Variants in TC2N observed in about 807,000 individuals in gnomAD.
TC2N encodes the protein tandem C2 domains, nuclear.
Under a neutral mutation model 61.9 loss-of-function variants are expected in TC2N, and 51 were observed. The ratio of observed to expected loss-of-function variants is 0.82; its 90% CI spans 0.66 to 1.04. TC2N has a LOEUF of 1.04. TC2N is among the 50% of genes least tolerant of loss of function. The pLI, the probability that TC2N is intolerant of heterozygous loss-of-function variation, is 0.00. For missense variants in TC2N, 556 were observed against 566.7 expected (o/e 0.98, Z 0.19); for synonymous variants, 204 against 192.6 (o/e 1.06, Z -0.49).
chr14:91,862,158 C>A (rs557016028), intron 1 of TC2N, among the ~76,000 whole-genome samples: 1 of 151,062 alleles, frequency 6.6e-6, no homozygotes, highest in African/African-American at 2.4e-5. Flanking sequence ...GGCAACATGG[C>A]GAAACCCCAT....
intron 1 of TC2N, among the ~76,000 whole-genome samples, chr14:91,848,498 C>T (rs1203518846): frequency 2.0e-5 from 3 of 152,190 alleles, no homozygotes; most frequent in African/African-American, 7.2e-5. Context: ...CGTATTTATT[C>T]CAGCTCCCTT....
intron 1 of TC2N, among the ~76,000 whole-genome samples, chr14:91,816,554 C>G (rs1829592036): frequency 6.6e-6 from 1 of 151,806 alleles, no homozygotes; most frequent in African/African-American, 2.4e-5. Context: ...AAACATCCTT[C>G]TGGTTTGTCA....
intron 6 of TC2N, 90 bp from the exon 7 acceptor site, chr14:91,798,489 A>G (rs1041930529): frequency 2.8e-6 from 2 of 713,004 alleles, no homozygotes; most frequent in Middle Eastern, 2.4e-4. Flanking sequence ...TAAGAGCACA[A>G]TTTTAAAATG....
At chr14:91,833,575 C>T (rs1237318828) in intron 1 of TC2N, among the ~76,000 whole-genome samples, 1 of 152,034 alleles carries the variant, frequency 6.6e-6, no homozygotes, top group Non-Finnish European at 1.5e-5. Flanking sequence ...ATCCATCATC[C>T]CCTAAAGTTT....
Position 91,780,934 on chromosome 14 carries a change from T to C in TC2N, c.*2166A>G, listed in dbSNP as rs556428015. On this transcript the variant is annotated 3_prime_UTR_variant, in exon 12 of 12. Transcript: ENST00000435962. ...ACATTTAGGATCTTAGTTGTATCAA[T>C]ACTTCTGTACCTGAAAGCTCTTTTA... 5 of 148,904 alleles carry C rather than the reference T, an allele frequency of 3.4e-5. No homozygotes were observed. The East Asian group carries it at 7.7e-4, about 23-fold the overall frequency. 9.2% of individuals were successfully genotyped at this position (148,904 alleles called of 1,614,324 possible).
At chr14:91,841,052 G>T (rs1241761095) in intron 1 of TC2N, among the ~76,000 whole-genome samples, 1 of 152,200 alleles carries the variant, frequency 6.6e-6, no homozygotes, top group Non-Finnish European at 1.5e-5. Context: ...AGCACCTAGA[G>T]CAGGAGGCAA....
chr14:91,836,493 C>G (rs1191486687), intron 1 of TC2N: 1 of 151,618 alleles, frequency 6.6e-6, no homozygotes, highest in Non-Finnish European at 1.5e-5. Context: ...TCACTTACCC[C>G]CTCCCCTCCA....
chr14:91,783,340 C>T (rs1885215387), intron 11 of TC2N, 130 bp from the exon 12 acceptor site: 2 of 544,316 alleles, frequency 3.7e-6, no homozygotes, highest in African/African-American at 2.0e-5. Flanking sequence ...AAACATCTTT[C>T]TTTTTTCCAA....
intron 1 of TC2N, among the ~76,000 whole-genome samples, chr14:91,826,138 G>A (rs1275699787): frequency 1.3e-5 from 2 of 151,902 alleles, no homozygotes; most frequent in Non-Finnish European, 1.5e-5. Context: ...GTACAATATA[G>A]GGAGACCCCT....
intron 1 of TC2N, among the ~76,000 whole-genome samples, chr14:91,839,249 A>T (rs1432194626): frequency 6.6e-6 from 1 of 152,218 alleles, no homozygotes; most frequent in Non-Finnish European, 1.5e-5. Flanking sequence ...TTGCAGTTCC[A>T]TAAACTGTCG....
intron 1 of TC2N, among the ~76,000 whole-genome samples, chr14:91,852,429 C>T (rs1714995875): frequency 6.6e-6 from 1 of 151,212 alleles, no homozygotes; most frequent in African/African-American, 2.4e-5. Flanking sequence ...GAAACTCCGT[C>T]TAAAAAAAAA....
At chr14:91,832,390 C>CAGA (rs1887817058) in intron 1 of TC2N, among the ~76,000 whole-genome samples, 1 of 136,376 alleles carries the variant, frequency 7.3e-6, no homozygotes, top group African/African-American at 2.7e-5. Flanking sequence ...AACTCCGTCT[C>CAGA]AAAAAAAAAA....
Position 91,783,092 on chromosome 14 carries a change from T to TCTTC in TC2N, c.*7_*8insGAAG, listed in dbSNP as rs1313244195. 1 of 1,525,560 alleles carries TCTTC rather than the reference T, an allele frequency of 6.6e-7. No homozygotes were observed. The highest frequency in any genetic ancestry group is 1.1e-5 in the South Asian group (1 of 88,622). The allele number at this position is 1,525,560 out of a possible 1,614,324, so 94.5% of individuals were successfully genotyped here. On this transcript the variant is annotated 3_prime_UTR_variant, in exon 12 of 12. Coordinates refer to ENST00000435962, the MANE Select transcript of TC2N (RefSeq NM_001128596.3). ...TCAAGTTCTTCACCAAATTAATGTG[T>TCTTC]GAAGTCTTCAAGATGGATTTAATTT...
At chr14:91,836,696 C>A (rs971813355) in intron 1 of TC2N, among the ~76,000 whole-genome samples, 28 of 107,438 alleles carry the variant, frequency 2.6e-4, no homozygotes, top group Non-Finnish European at 4.2e-4. Flanking sequence ...CTCCCGCGTA[C>A]CTGAGCCGCG....
At position 91,780,071 on chromosome 14, in the gene TC2N, G is replaced by A. The variant is rs1885019904; in HGVS notation, c.*3029C>T. ...CTGCAAACATTTGAAATTTAATTTTGAATAAAAATTACAGCTTATGCACCA... is the reference window on the plus strand; with the variant it reads ...CTGCAAACATTTGAAATTTAATTTTAAATAAAAATTACAGCTTATGCACCA... On this transcript the variant is annotated 3_prime_UTR_variant, in exon 12 of 12. Coordinates refer to ENST00000435962, the MANE Select transcript of TC2N (RefSeq NM_001128596.3). 1 of 151,852 alleles carries A rather than the reference G, an allele frequency of 6.6e-6. No individual in the cohort carries two copies. Among genetic ancestry groups the A allele is most frequent in the Non-Finnish European group, 1.5e-5 (1 of 67,954 alleles). The allele number at this position is 151,852 out of a possible 1,614,324, so 9.4% of individuals were successfully genotyped here. A position where few individuals can be genotyped will look rare whatever the true frequency, so the allele number is the denominator to read the frequency against.
At chr14:91,830,897 G>A (rs1282776545) in intron 1 of TC2N, among the ~76,000 whole-genome samples, 1 of 152,144 alleles carries the variant, frequency 6.6e-6, no homozygotes, top group African/African-American at 2.4e-5. Flanking sequence ...AGGAGGTAGA[G>A]TGAGTTTTTC....
At chr14:91,808,166 CA>C (rs1886602224) in intron 3 of TC2N, among the ~76,000 whole-genome samples, 1 of 152,166 alleles carries the variant, frequency 6.6e-6, no homozygotes, top group South Asian at 2.1e-4. Context: ...TATTCATCAG[CA>C]GCGTGAGAAC....
intron 1 of TC2N, among the ~76,000 whole-genome samples, chr14:91,846,795 A>G (rs1233747584): frequency 6.6e-6 from 1 of 152,242 alleles, no homozygotes; most frequent in African/African-American, 2.4e-5. Context: ...CTTTGCTACA[A>G]TTGGCATTGT....
intron 1 of TC2N, among the ~76,000 whole-genome samples, chr14:91,845,222 A>T (rs1888246840): frequency 7.0e-6 from 1 of 143,086 alleles, no homozygotes; most frequent in Admixed American, 7.5e-5. Context: ...AGTGAGTGAA[A>T]CTCCATCTCA....
Sources: allele counts gnomAD v4.1 joint callset (sites outside exome capture counted in the v4.1 genomes callset), GRCh38; gene constraint gnomAD v4.1.1; transcripts MANE v1.5; gene names NCBI Gene and HGNC (gene_info 2026-07-23, HGNC 2026-07-21).